The following SYN2 variants were observed in gnomAD, a reference collection of about 807,000 sequenced individuals.
SYN2 encodes the protein synapsin-2.
In SYN2, 19 loss-of-function variants were observed where a neutral mutation model predicts 50.9. The observed-to-expected ratio is 0.37, with a 90% CI of 0.26 to 0.55. The LOEUF (loss-of-function observed/expected upper bound fraction) is 0.55, where lower values mean the gene tolerates loss of function less well. SYN2 is among the 20% of genes least tolerant of loss of function. The pLI is 0.81. For synonymous variants in SYN2, 255 were observed against 224.9 expected (o/e 1.13, Z -1.20); for missense variants, 587 against 576.4 (o/e 1.02, Z -0.19).
At chr3:12,062,093 G>T (rs1423066740) in intron 1 of SYN2, among the ~76,000 whole-genome samples, 1 of 151,958 alleles carries the variant, frequency 6.6e-6, no homozygotes, top group Non-Finnish European at 1.5e-5. Flanking sequence ...AAAGTTGAAG[G>T]ATTCACACAA....
chr3:12,149,963 G>A (rs1404457830), intron 4 of SYN2, among the ~76,000 whole-genome samples: 1 of 152,160 alleles, frequency 6.6e-6, no homozygotes, highest in East Asian at 1.9e-4. Context: ...ATGAGATCCA[G>A]AGAGGAAAAC....
chr3:12,109,789 C>T (rs796853119), intron 1 of SYN2, among the ~76,000 whole-genome samples: 8 of 152,266 alleles, frequency 5.3e-5, no homozygotes, highest in African/African-American at 1.2e-4. Context: ...TATAAAGACT[C>T]GGACTTGGGA....
chr3:12,105,534 G>A (rs1003515893), intron 1 of SYN2, among the ~76,000 whole-genome samples: 1 of 146,886 alleles, frequency 6.8e-6, no homozygotes, highest in African/African-American at 2.5e-5. Flanking sequence ...GGTAGCCCCT[G>A]AAAAGGAAAG....
intron 10 of SYN2, among the ~76,000 whole-genome samples, chr3:12,173,151 C>T (rs942935703): frequency 1.3e-5 from 2 of 152,232 alleles, no homozygotes; most frequent in Non-Finnish European, 2.9e-5. Flanking sequence ...GCCTTCACCT[C>T]AGGCCACCCA....
intron 1 of SYN2, chr3:12,071,499 C>T (rs1303854075): frequency 1.7e-5 from 7 of 410,644 alleles, no homozygotes; most frequent in Non-Finnish European, 2.9e-5. Context: ...GTCCTTGAAG[C>T]TTGTATCTGA....
chr3:12,114,687 G>A (rs966585095), intron 1 of SYN2, among the ~76,000 whole-genome samples: 1 of 152,052 alleles, frequency 6.6e-6, no homozygotes, highest in African/African-American at 2.4e-5. Flanking sequence ...CCATATGTTT[G>A]AAATTTTTCA....
chr3:12,159,872 G>A (rs560006308), intron 5 of SYN2, among the ~76,000 whole-genome samples: 3 of 151,816 alleles, frequency 2.0e-5, no homozygotes, highest in South Asian at 2.1e-4. Context: ...ATGAAACTCC[G>A]TCCCTACTAA....
chr3:12,112,147 C>T (rs1013817035), intron 1 of SYN2, among the ~76,000 whole-genome samples: 7 of 152,008 alleles, frequency 4.6e-5, no homozygotes, highest in Admixed American at 3.3e-4. Context: ...ATCAGAAGTG[C>T]TCTGAGTCTA....
intron 1 of SYN2, among the ~76,000 whole-genome samples, chr3:12,006,364 T>G (rs901835141): frequency 6.6e-6 from 1 of 152,186 alleles, no homozygotes; most frequent in Non-Finnish European, 1.5e-5. Context: ...GAAAGTGTAA[T>G]GCATATGATA....
chr3:12,015,606 A>G (rs1694011779), intron 1 of SYN2, among the ~76,000 whole-genome samples: 1 of 152,228 alleles, frequency 6.6e-6, no homozygotes, highest in Admixed American at 6.5e-5. Context: ...AGCATTAATT[A>G]TTGTTACTGG....
intron 10 of SYN2, among the ~76,000 whole-genome samples, chr3:12,175,836 T>A (rs1226382971): frequency 2.0e-5 from 3 of 152,146 alleles, no homozygotes; most frequent in Non-Finnish European, 4.4e-5. Context: ...TTCAAAGGAA[T>A]AGAGGAAGGG....
intron 11 of SYN2, chr3:12,183,622 C>A: frequency 6.9e-7 from 1 of 1,442,964 alleles, no homozygotes; most frequent in Non-Finnish European, 9.0e-7. Context: ...TGTTCCTGTT[C>A]GTGCTTGTAA....
intron 1 of SYN2, among the ~76,000 whole-genome samples, chr3:12,039,401 C>A (rs1694563875): frequency 1.3e-5 from 2 of 152,174 alleles, no homozygotes; most frequent in African/African-American, 4.8e-5. Flanking sequence ...ATTTCACCAG[C>A]TGCTATGTGC....
At chr3:12,089,833 C>T (rs1035651476) in intron 1 of SYN2, among the ~76,000 whole-genome samples, 2 of 151,976 alleles carry the variant, frequency 1.3e-5, no homozygotes, top group Non-Finnish European at 2.9e-5. Flanking sequence ...GGCTATTACC[C>T]AAGGTTTGTG....
chr3:12,041,872 C>G (rs1226440636), intron 1 of SYN2, among the ~76,000 whole-genome samples: 2 of 152,178 alleles, frequency 1.3e-5, no homozygotes, highest in Non-Finnish European at 1.5e-5. Context: ...TCTCAGTCCT[C>G]CAGATATAAT....
chr3:12,154,325 A>G lies in SYN2; in HGVS notation c.774+2999A>G, dbSNP rs1278148436. On this transcript the variant is annotated intron_variant, in intron 5 of 12. Transcript: ENST00000621198. ...AGACTTTGGAAATGGACATTCCCTT[A>G]CTTGGCAGCCACAGTTCAGATGGTA... 1 of 1,614,072 alleles carries G rather than the reference A, an allele frequency of 6.2e-7. No homozygotes were observed. Among genetic ancestry groups the G allele is most frequent in the Non-Finnish European group, 8.5e-7 (1 of 1,180,034 alleles).
At chr3:12,185,218 C>T (rs913728443) in intron 11 of SYN2, 2 of 985,790 alleles carry the variant, frequency 2.0e-6, no homozygotes, top group Non-Finnish European at 2.4e-6. Context: ...TCTGATGAAA[C>T]GATAGAATAA....
chr3:12,097,222 A>C (rs1226783712), intron 1 of SYN2, among the ~76,000 whole-genome samples: 1 of 152,192 alleles, frequency 6.6e-6, no homozygotes, highest in African/African-American at 2.4e-5. Context: ...ATGCACACGT[A>C]TGTTTATTGC....
intron 1 of SYN2, among the ~76,000 whole-genome samples, chr3:12,109,231 A>G (rs1696265797): frequency 6.6e-6 from 1 of 152,212 alleles, no homozygotes. Context: ...AGTGGAGATC[A>G]CTGGAACTCT....
Sources: gnomAD v4.1 joint callset for allele counts (sites outside exome capture counted in the v4.1 genomes callset) on GRCh38, gnomAD v4.1.1 for gene constraint, MANE v1.5 for transcripts, NCBI Gene and HGNC (gene_info 2026-07-23, HGNC 2026-07-21) for gene names.